Variants in ASAH2 observed in about 807,000 individuals in gnomAD.
ASAH2 encodes neutral ceramidase.
In ASAH2, 58 loss-of-function variants were observed where a neutral mutation model predicts 82.9. The ratio of observed to expected loss-of-function variants is 0.70; its 90% CI spans 0.57 to 0.87. ASAH2 has a LOEUF of 0.87. Among genes scored for constraint, ASAH2 ranks in the 40% least tolerant of loss-of-function variants. The pLI is 0.00. For missense variants in ASAH2, 779 were observed against 834.0 expected, an observed-to-expected ratio of 0.93 and a Z score of 0.81; for synonymous variants, 276 against 289.7, an observed-to-expected ratio of 0.95 and a Z score of 0.48.
At chr10:50,234,292 G>T in intron 6 of ASAH2, 133 bp downstream of exon 6, 2 of 1,289,398 alleles carry the variant, frequency 1.6e-6, no homozygotes, top group Non-Finnish European at 2.2e-6. Flanking sequence ...TTACACAGAT[G>T]TTTTTAAGAT....
At chr10:50,197,564 C>T (rs1288982910) in intron 17 of ASAH2, among the ~76,000 whole-genome samples, 22 of 152,018 alleles carry the variant, frequency 1.4e-4, no homozygotes, top group South Asian at 6.2e-4. Flanking sequence ...GAATATTTAA[C>T]GCTCTTTATT....
At chr10:50,241,461 T>C (rs568721286) in intron 4 of ASAH2, among the ~76,000 whole-genome samples, 1 of 152,214 alleles carries the variant, frequency 6.6e-6, no homozygotes, top group African/African-American at 2.4e-5. Flanking sequence ...ACATATTTAG[T>C]TGTGTGTCCC....
At chr10:50,236,527 C>T (rs2133226866) in intron 4 of ASAH2, among the ~76,000 whole-genome samples, 1 of 152,188 alleles carries the variant, frequency 6.6e-6, no homozygotes, top group East Asian at 1.9e-4. Flanking sequence ...GGCGGAGACA[C>T]AGACAAACTA....
At chr10:50,243,521 C>A (rs1367154049) in intron 3 of ASAH2, among the ~76,000 whole-genome samples, 170 bp from the exon 4 acceptor site, 1 of 152,156 alleles carries the variant, frequency 6.6e-6, no homozygotes, top group Non-Finnish European at 1.5e-5. Flanking sequence ...GAAAAAGGAA[C>A]AAAGAAAGCC....
intron 16 of ASAH2, 70 bp downstream of exon 16, chr10:50,202,759 A>C: frequency 9.3e-7 from 1 of 1,071,572 alleles, no homozygotes; most frequent in South Asian, 1.3e-5. Flanking sequence ...TTACAAAGCA[A>C]GTCTGCATTT....
intron 4 of ASAH2, among the ~76,000 whole-genome samples, chr10:50,241,039 C>G (rs1027236896): frequency 6.6e-6 from 1 of 152,208 alleles, no homozygotes; most frequent in Admixed American, 6.5e-5. Context: ...TTGGGTCACT[C>G]ACTCTGAGGG....
At chr10:50,230,856 C>G (rs1314423913) in intron 7 of ASAH2, among the ~76,000 whole-genome samples, 4 of 151,860 alleles carry the variant, frequency 2.6e-5, no homozygotes, top group African/African-American at 9.7e-5. Flanking sequence ...GTCTGGGCAA[C>G]AAGCAAGACC....
intron 12 of ASAH2, among the ~76,000 whole-genome samples, chr10:50,207,394 T>C (rs985046823): frequency 4.2e-4 from 64 of 151,816 alleles, no homozygotes; most frequent in African/African-American, 1.4e-3. Flanking sequence ...AAGCTGGTTT[T>C]TTGAAAAGGT....
chr10:50,244,708 A>T (rs910434168), intron 3 of ASAH2, among the ~76,000 whole-genome samples: 24 of 152,214 alleles, frequency 1.6e-4, no homozygotes, highest in African/African-American at 5.1e-4. Context: ...TTTTTAAGTA[A>T]GAGATTTGAA....
At chr10:50,199,350 G>T (rs1845079871) in intron 16 of ASAH2, among the ~76,000 whole-genome samples, 1 of 151,946 alleles carries the variant, frequency 6.6e-6, no homozygotes, top group African/African-American at 2.4e-5. Flanking sequence ...CCTGTTAAAA[G>T]CAGTGGGTTC....
chr10:50,207,057 A>G (rs922194639), intron 12 of ASAH2, among the ~76,000 whole-genome samples: 1 of 152,016 alleles, frequency 6.6e-6, no homozygotes, highest in Non-Finnish European at 1.5e-5. Flanking sequence ...GCAGAAATTA[A>G]GCAGTATGAT....
intron 7 of ASAH2, among the ~76,000 whole-genome samples, chr10:50,225,378 A>G (rs1182288748): frequency 1.3e-5 from 2 of 152,194 alleles, no homozygotes; most frequent in Non-Finnish European, 2.9e-5. Context: ...AGATCACGCC[A>G]CTGTACTCCA....
At chr10:50,212,646 A>C (rs1209256301) in intron 10 of ASAH2, among the ~76,000 whole-genome samples, 3 of 152,304 alleles carry the variant, frequency 2.0e-5, no homozygotes, top group East Asian at 1.9e-4. Context: ...GGTCATATCT[A>C]ATGCCACAAG....
intron 12 of ASAH2, among the ~76,000 whole-genome samples, chr10:50,206,537 T>TACACACAC (rs544968746): frequency 0.23 from 30,068 of 130,428 alleles, 3,794 homozygotes; most frequent in Non-Finnish European, 0.29. Context: ...TTTAGTTATC[T>TACACACAC]ACACACACAC....
chr10:50,223,167 A>G (rs1159905603), intron 7 of ASAH2, among the ~76,000 whole-genome samples: 1 of 152,212 alleles, frequency 6.6e-6, no homozygotes, highest in Non-Finnish European at 1.5e-5. Flanking sequence ...TTCAACTATT[A>G]TAGAATCAGT....
chr10:50,211,014 T>A lies in ASAH2; in HGVS notation c.1332+16A>T. 5 of 1,608,736 alleles carry A rather than the reference T, an allele frequency of 3.1e-6. No homozygotes were observed. The highest frequency in any genetic ancestry group is 4.3e-6 in the Non-Finnish European group (5 of 1,175,190). The stretch of plus-strand genomic sequence containing the variant: ...TCACCCTTGGGGCATAACCAGTGTG[T>A]CTCAGCAGCACTTACTGCATGTGTG... On this transcript the variant is annotated intron_variant, in intron 11 of 20. Coordinates refer to ENST00000682911, the MANE Select transcript of ASAH2 (RefSeq NM_019893.4).
chr10:50,242,217 T>G (rs12241330), intron 4 of ASAH2, among the ~76,000 whole-genome samples: 35,710 of 151,762 alleles, frequency 0.24, 6,741 homozygotes, highest in African/African-American at 0.51. Flanking sequence ...AGTGCAGAAG[T>G]GGGGAAAACA....
intron 7 of ASAH2, among the ~76,000 whole-genome samples, chr10:50,222,550 T>G (rs1180448281): frequency 6.6e-6 from 1 of 152,156 alleles, no homozygotes; most frequent in Admixed American, 6.6e-5. Flanking sequence ...AAAGTACTGC[T>G]TTTACAGGCA....
chr10:50,218,525 TC>T lies in ASAH2; in HGVS notation c.998del (p.Gly333AspfsTer10). 6.2e-7 allele frequency: 1 copy of T among 1,613,662 alleles called. No individual in the cohort carries two copies. Among genetic ancestry groups the T allele is most frequent in the Non-Finnish European group, 8.5e-7 (1 of 1,179,736 alleles). Reference sequence around the variant, plus strand: ...AAATTCTCACCTGTCCAGGTAGATATCCTTTGTTCTTCTCTTGCTCAAGCAG... The same window carrying T: ...AAATTCTCACCTGTCCAGGTAGATATCTTTGTTCTTCTCTTGCTCAAGCAG... ...SYLLEQEKNK[G>X]YLPGQGPFVA... On this transcript the variant is annotated frameshift_variant, in exon 8 of 21. Coordinates refer to ENST00000682911, the MANE Select transcript of ASAH2 (RefSeq NM_019893.4). LOFTEE classifies it high-confidence loss of function.
Sources: allele counts gnomAD v4.1 joint callset (sites outside exome capture counted in the v4.1 genomes callset), GRCh38; gene constraint gnomAD v4.1.1; transcripts MANE v1.5; gene names NCBI Gene and HGNC (gene_info 2026-07-23, HGNC 2026-07-21).